The following CACNA1C variants were observed in gnomAD, a reference collection of about 807,000 sequenced individuals.
The protein encoded by CACNA1C is calcium voltage-gated channel subunit alpha1 C, also known as voltage-dependent L-type calcium channel subunit alpha-1C.
In CACNA1C, 30 loss-of-function variants were observed where a neutral mutation model predicts 229.0. The observed-to-expected ratio is 0.13, with a 90% CI of 0.10 to 0.18. CACNA1C has a LOEUF of 0.18. Ranked by LOEUF, CACNA1C falls within the 10% of genes least tolerant of loss-of-function variation. The pLI is 1.00. For synonymous variants in CACNA1C, 1,114 were observed against 1,132.5 expected (o/e 0.98, Z 0.33); for missense variants, 1,658 against 2,845.0 (o/e 0.58, Z 9.49).
chr12:2,448,927 C>CTTT (rs1373148106), intron 3 of CACNA1C, 49 bp from the exon 4 acceptor site: 2 of 1,526,430 alleles, frequency 1.3e-6, no homozygotes, highest in Non-Finnish European at 1.8e-6. Flanking sequence ...CTTTCCAAAT[C>CTTT]CCCAAACCAA....
At chr12:2,042,236 T>C (rs956261661) in intron 1 of CACNA1C, among the ~76,000 whole-genome samples, 1 of 152,120 alleles carries the variant, frequency 6.6e-6, no homozygotes, top group African/African-American at 2.4e-5. Flanking sequence ...CCTAATACGA[T>C]ATATTTTTAT....
chr12:2,333,881 T>G (rs1054793956), intron 3 of CACNA1C, among the ~76,000 whole-genome samples: 2 of 152,240 alleles, frequency 1.3e-5, no homozygotes, highest in African/African-American at 4.8e-5. Flanking sequence ...AGACAGGAAT[T>G]ACTTCCCTTA....
At chr12:2,196,975 C>G (rs1213034084) in intron 3 of CACNA1C, among the ~76,000 whole-genome samples, 1 of 152,164 alleles carries the variant, frequency 6.6e-6, no homozygotes, top group Non-Finnish European at 1.5e-5. Flanking sequence ...TTGAGGAGGA[C>G]AGAACCTGTT....
At chr12:2,105,364 G>T (rs2077823348) in intron 1 of CACNA1C, among the ~76,000 whole-genome samples, 1 of 152,192 alleles carries the variant, frequency 6.6e-6, no homozygotes, top group Non-Finnish European at 1.5e-5. Context: ...CGCCCTCACG[G>T]TCTCCTTGTT....
At chr12:2,513,451 G>C (rs1041115556) in intron 9 of CACNA1C, among the ~76,000 whole-genome samples, 2 of 152,242 alleles carry the variant, frequency 1.3e-5, no homozygotes, top group South Asian at 4.1e-4. Flanking sequence ...AGGAAAGGTA[G>C]TGAAAGGTTT....
intron 3 of CACNA1C, among the ~76,000 whole-genome samples, chr12:2,177,622 T>C (rs1330570329): frequency 9.7e-6 from 1 of 103,592 alleles, no homozygotes; most frequent in African/African-American, 3.9e-5. Context: ...CCTTCCTTCC[T>C]TCCTTCTCTC....
At chr12:2,673,126 C>T (rs1017771303) in intron 38 of CACNA1C, among the ~76,000 whole-genome samples, 12 of 152,212 alleles carry the variant, frequency 7.9e-5, no homozygotes, top group African/African-American at 2.9e-4. Flanking sequence ...AGTAAACATC[C>T]CGTGTTGGTT....
chr12:2,350,324 C>A (rs375281070), intron 3 of CACNA1C, among the ~76,000 whole-genome samples: 1 of 152,140 alleles, frequency 6.6e-6, no homozygotes, highest in Non-Finnish European at 1.5e-5. Flanking sequence ...GCTGCTGAAG[C>A]CTTTACTTCC....
chr12:2,188,096 G>T (rs1313153638), intron 3 of CACNA1C, among the ~76,000 whole-genome samples: 1 of 152,320 alleles, frequency 6.6e-6, no homozygotes, highest in East Asian at 1.9e-4. Flanking sequence ...CTTCTTATCA[G>T]CAGGTACCCT....
chr12:2,097,393 G>C (rs565109213), intron 1 of CACNA1C, among the ~76,000 whole-genome samples: 3 of 152,026 alleles, frequency 2.0e-5, no homozygotes, highest in Non-Finnish European at 2.9e-5. Context: ...TGATCCGCCC[G>C]CCTCGACCTC....
At chr12:2,151,098 A>G (rs1471789577) in intron 3 of CACNA1C, among the ~76,000 whole-genome samples, 3 of 152,210 alleles carry the variant, frequency 2.0e-5, no homozygotes, top group African/African-American at 4.8e-5. Flanking sequence ...AACTTTGTTC[A>G]TAACAGACTC....
At chr12:2,427,914 C>G (rs559356179) in intron 3 of CACNA1C, among the ~76,000 whole-genome samples, 13 of 152,310 alleles carry the variant, frequency 8.5e-5, no homozygotes, top group African/African-American at 3.1e-4. Context: ...GCCACCGCGC[C>G]TGGCCATGAG....
At chr12:2,117,797 C>T (rs562329899) in intron 2 of CACNA1C, among the ~76,000 whole-genome samples, 66 of 152,364 alleles carry the variant, frequency 4.3e-4, no homozygotes, top group African/African-American at 1.4e-3. Context: ...GCCACCCCTC[C>T]GGGGGAGTGT....
chr12:2,066,380 A>G (rs2059283134), intron 1 of CACNA1C, among the ~76,000 whole-genome samples: 1 of 152,158 alleles, frequency 6.6e-6, no homozygotes, highest in African/African-American at 2.4e-5. Context: ...TGGAGGAGAC[A>G]ATGACAGAGT....
At chr12:2,091,102 TC>T (rs1773517343) in intron 1 of CACNA1C, among the ~76,000 whole-genome samples, 1 of 152,214 alleles carries the variant, frequency 6.6e-6, no homozygotes, top group African/African-American at 2.4e-5. Context: ...TCCTCAGATA[TC>T]GGGACTGGCT....
Position 2,633,829 on chromosome 12 carries a change from G to T in CACNA1C, c.3829-468G>T, listed in dbSNP as rs951311578. ...TCTTTTATGTTTTTTTTAATTTCCT[G>T]TTTTTACCCGCCTCCAGTCATGCCT... On this transcript the variant is annotated intron_variant, in intron 29 of 46. Transcript: ENST00000399655. This position sits in a 1 kb window ranked among gnomAD's most constrained non-coding sequence, Gnocchi z 5.8. The T allele has an allele frequency of 1.5e-6, 1 of 658,166 alleles. No individual in the cohort carries two copies. The highest frequency in any genetic ancestry group is 2.7e-6 in the Non-Finnish European group (1 of 374,820). The allele number at this position is 658,166 out of a possible 1,614,324, so 40.8% of individuals were successfully genotyped here.
intron 3 of CACNA1C, among the ~76,000 whole-genome samples, chr12:2,171,276 G>T (rs1214300258): frequency 6.6e-6 from 1 of 152,158 alleles, no homozygotes; most frequent in Non-Finnish European, 1.5e-5. Flanking sequence ...AACTGGCCCC[G>T]TAGAGATTAA....
At chr12:2,327,178 TTTAA>T (rs1477275275) in intron 3 of CACNA1C, among the ~76,000 whole-genome samples, 2 of 152,206 alleles carry the variant, frequency 1.3e-5, no homozygotes, top group Non-Finnish European at 2.9e-5. Context: ...TTCTATGTTG[TTTAA>T]TTAACAAAAA....
intron 29 of CACNA1C, among the ~76,000 whole-genome samples, chr12:2,622,551 C>A (rs2083869691): frequency 6.6e-6 from 1 of 152,184 alleles, no homozygotes; most frequent in Non-Finnish European, 1.5e-5. Context: ...AACCAGGGCC[C>A]TTTCCTTTTC....
Sources: gnomAD v4.1 joint callset for allele counts (sites outside exome capture counted in the v4.1 genomes callset) on GRCh38, gnomAD v4.1.1 for gene constraint, Gnocchi (gnomAD v3.1) non-coding constraint, MANE v1.5 for transcripts, NCBI Gene and HGNC (gene_info 2026-07-23, HGNC 2026-07-21) for gene names.